The following PCDHGA8 variants were observed in gnomAD, a reference collection of about 807,000 sequenced individuals.
PCDHGA8 encodes the protein protocadherin gamma subfamily A, 8, also known as protocadherin gamma-A8.
PCDHGA8 carries 45 observed loss-of-function variants against 59.2 expected under a neutral mutation model. The ratio of observed to expected loss-of-function variants is 0.76; its 90% CI spans 0.60 to 0.98. PCDHGA8 has a LOEUF of 0.98. Ranked by LOEUF, PCDHGA8 falls within the 50% of genes least tolerant of loss-of-function variation. The pLI, the probability that PCDHGA8 is intolerant of heterozygous loss-of-function variation, is 0.00. For missense variants in PCDHGA8, 1,257 were observed against 1,196.2 expected, an observed-to-expected ratio of 1.05 and a Z score of -0.75; for synonymous variants, 531 against 519.0, an observed-to-expected ratio of 1.02 and a Z score of -0.32.
intron 1 of PCDHGA8, chr5:141,423,222 G>A (rs760308436): frequency 1.2e-6 from 2 of 1,613,688 alleles, no homozygotes; most frequent in Non-Finnish European, 1.7e-6. Context: ...CCGTGGCTGT[G>A]GCCGACAGCA....
intron 1 of PCDHGA8, among the ~76,000 whole-genome samples, chr5:141,402,587 T>C (rs2094282900): frequency 1.3e-5 from 2 of 152,228 alleles, no homozygotes; most frequent in Non-Finnish European, 2.9e-5. Flanking sequence ...ATCTAAAAAA[T>C]AGATTGCTTT....
chr5:141,452,252 C>T (rs868364679), intron 1 of PCDHGA8, among the ~76,000 whole-genome samples: 2 of 152,106 alleles, frequency 1.3e-5, no homozygotes, highest in Non-Finnish European at 2.9e-5. Context: ...TTTGCCATAA[C>T]TCTCTCATTT....
chr5:141,443,392 T>C (rs151260637), intron 1 of PCDHGA8, among the ~76,000 whole-genome samples: 1,653 of 151,736 alleles, frequency 0.011, 7 homozygotes, highest in Middle Eastern at 0.038. Flanking sequence ...GGCTGAGGTG[T>C]GAGGATCACC....
At chr5:141,404,655 C>T (rs2094551486) in intron 1 of PCDHGA8, 1 of 1,614,062 alleles carries the variant, frequency 6.2e-7, no homozygotes, top group Non-Finnish European at 8.5e-7. Flanking sequence ...CCTGCCCTCC[C>T]CACTGATGGT....
At chr5:141,421,429 G>T in intron 1 of PCDHGA8, 1 of 1,614,090 alleles carries the variant, frequency 6.2e-7, no homozygotes, top group Non-Finnish European at 8.5e-7. Flanking sequence ...AGTCCGCATC[G>T]TCTCCAGAGG....
chr5:141,417,572 G>T, intron 1 of PCDHGA8: 1 of 376,228 alleles, frequency 2.7e-6, no homozygotes, highest in East Asian at 4.1e-5. Flanking sequence ...AAGTCAAGTT[G>T]CAGTCCCACA....
intron 1 of PCDHGA8, chr5:141,399,810 C>A (rs148150333): frequency 2.5e-6 from 4 of 1,613,076 alleles, no homozygotes; most frequent in Middle Eastern, 1.7e-4. Flanking sequence ...TGCTGTACCC[C>A]GCGCTGGGTC....
At position 141,432,993 on chromosome 5, in the gene PCDHGA8, G is replaced by C. The variant is rs749499789; in HGVS notation, c.2424+37756G>C. 7 of 1,614,208 alleles carry C rather than the reference G, an allele frequency of 4.3e-6. No homozygotes were observed. In the South Asian group the frequency reaches 7.7e-5, roughly 18 times the overall value. On this transcript the variant is annotated intron_variant, in intron 1 of 3. Transcript: ENST00000398604. This position sits in a 1 kb window ranked among gnomAD's most constrained non-coding sequence, Gnocchi z 6.0. ...GCGTCGCACTTTGTGGGCGTGGACG[G>C]GGTGCAGGCTTTCCTGCAGACCTAT...
rs1294007915 is a variant in PCDHGA8, at chr5:141,394,648, G to T, written c.1835G>T (p.Ser612Ile). The change falls in exon 1 of 4, where the codon AGC becomes ATC. Residue 612 changes from serine (S) to isoleucine (I), a missense_variant. Coordinates refer to ENST00000398604, the MANE Select transcript of PCDHGA8 (RefSeq NM_032088.2). ...CTGTCCTACCGCCTGCTCAAGGCCA[G>T]CGAGCCGGGACTCTTCTCGGTGGGT... is the stretch of plus-strand genomic sequence containing the variant. ...AWLSYRLLKASEPGLFSVGLH... is the reference protein window; with the variant it reads ...AWLSYRLLKAIEPGLFSVGLH... 1 of 1,613,404 alleles carries T rather than the reference G, an allele frequency of 6.2e-7. No homozygotes were observed. The highest frequency in any genetic ancestry group is 2.2e-5 in the East Asian group (1 of 44,844).
rs1016254258 is a variant in PCDHGA8 at position 141,489,870 on chromosome 5, G to C, written c.2425-4937G>C. ...GTGAAGCCCAGGCAAGACATCAGCT[G>C]GTGCTTACTGCTGTGGATGGGGGGA... On this transcript the variant is annotated intron_variant, in intron 1 of 3. Transcript: ENST00000398604. The surrounding 1 kb of genome is among the most constrained non-coding windows in gnomAD (Gnocchi z 4.5). The C allele has an allele frequency of 2.0e-5, 32 of 1,614,102 alleles. No homozygotes were observed. Among genetic ancestry groups the C allele is most frequent in the African/African-American group, 4.0e-5 (3 of 74,944 alleles).
At chr5:141,502,483 G>A (rs773081419) in intron 2 of PCDHGA8, among the ~76,000 whole-genome samples, 42 of 152,144 alleles carry the variant, frequency 2.8e-4, no homozygotes, top group Non-Finnish European at 4.7e-4. Context: ...GCATCACACT[G>A]GGACTCATCT....
At chr5:141,410,688 A>G in intron 1 of PCDHGA8, 1 of 1,519,164 alleles carries the variant, frequency 6.6e-7, no homozygotes, top group South Asian at 1.3e-5. Flanking sequence ...TAGGCATACT[A>G]CTTTATTTTC....
chr5:141,502,308 C>T (rs928137926), intron 2 of PCDHGA8, among the ~76,000 whole-genome samples: 2 of 151,586 alleles, frequency 1.3e-5, no homozygotes, highest in Non-Finnish European at 2.9e-5. Flanking sequence ...CTTTCCTCTC[C>T]TTTAATCTGG....
At position 141,431,119 on chromosome 5, in the gene PCDHGA8, A is replaced by C. The variant is rs147514897; in HGVS notation, c.2424+35882A>C. 1.2e-6 allele frequency: 2 copies of C among 1,614,134 alleles called. No individual in the cohort carries two copies. The highest frequency in any genetic ancestry group is 2.7e-5 in the African/African-American group (2 of 74,956). ...ATAAAGTGAAAATATATGGAGTAGA[A>C]GTAGAAGTAAGGGACATTAACGACA... On this transcript the variant is annotated intron_variant, in intron 1 of 3. Coordinates refer to ENST00000398604, the MANE Select transcript of PCDHGA8 (RefSeq NM_032088.2). The surrounding 1 kb of genome is among the most constrained non-coding windows in gnomAD (Gnocchi z 4.8).
intron 1 of PCDHGA8, chr5:141,478,018 C>G: frequency 6.2e-7 from 1 of 1,614,124 alleles, no homozygotes; most frequent in Non-Finnish European, 8.5e-7. Flanking sequence ...CCCGTCCAGT[C>G]CAAGACACAG....
Position 141,438,643 on chromosome 5 carries a change from C to CATAT in PCDHGA8, c.2424+43407_2424+43408insTATA, listed in dbSNP as rs1213792286. ...ATATATATATATATATATACACACACACACACACATATATGTATATATATA... is the reference window on the plus strand; with the variant it reads ...ATATATATATATATATATACACACACATATACACACACATATATGTATATATATA... On this transcript the variant is annotated intron_variant, in intron 1 of 3. Transcript: ENST00000398604. Among the ~76,000 whole-genome samples, 345 of 117,382 alleles carry CATAT rather than the reference C, an allele frequency of 2.9e-3. 2 individuals are homozygous for CATAT. Among genetic ancestry groups the CATAT allele is most frequent in the Admixed American group, 6.8e-3 (78 of 11,434 alleles). 77.0% of individuals were successfully genotyped at this position (117,382 alleles called of 152,430 possible). A position where few individuals can be genotyped will look rare whatever the true frequency, so the allele number is the denominator to read the frequency against.
intron 2 of PCDHGA8, among the ~76,000 whole-genome samples, chr5:141,500,877 AT>A (rs369345007): frequency 5.2e-4 from 64 of 122,250 alleles, no homozygotes; most frequent in Admixed American, 1.0e-3. Context: ...TTCATTTACA[AT>A]TTTTTTTTTT....
chr5:141,449,154 A>G (rs2098630387), intron 1 of PCDHGA8, among the ~76,000 whole-genome samples: 1 of 152,180 alleles, frequency 6.6e-6, no homozygotes, highest in African/African-American at 2.4e-5. Flanking sequence ...TGGGTCAAAG[A>G]GGAAATAGGT....
chr5:141,464,769 T>C (rs2154568595), intron 1 of PCDHGA8, among the ~76,000 whole-genome samples: 1 of 152,328 alleles, frequency 6.6e-6, no homozygotes. Flanking sequence ...ACAGGAATCT[T>C]GTTCTGTTGC....
Sources: gnomAD v4.1 joint callset for allele counts (sites outside exome capture counted in the v4.1 genomes callset) on GRCh38, gnomAD v4.1.1 for gene constraint, Gnocchi (gnomAD v3.1) non-coding constraint, MANE v1.5 for transcripts, NCBI Gene and HGNC (gene_info 2026-07-23, HGNC 2026-07-21) for gene names.